Variants in PDE4D observed in about 807,000 individuals in gnomAD.
PDE4D encodes the protein phosphodiesterase 4D.
PDE4D carries 24 observed loss-of-function variants against 87.4 expected under a neutral mutation model. The observed-to-expected ratio is 0.27, with a 90% CI of 0.20 to 0.39. PDE4D has a LOEUF of 0.39. PDE4D is among the 10% of genes least tolerant of loss of function. The probability of loss-of-function intolerance (pLI) is 1.00; values close to 1 mark genes in which losing one functional copy is unlikely to be tolerated. For synonymous variants in PDE4D, 384 were observed against 383.2 expected (o/e 1.00, Z -0.02); for missense variants, 714 against 1,041.0 (o/e 0.69, Z 4.32).
chr5:60,454,150 T>G (rs1746291323), intron 1 of PDE4D, among the ~76,000 whole-genome samples: 1 of 152,092 alleles, frequency 6.6e-6, no homozygotes. Flanking sequence ...TGAAACTGTA[T>G]GACTCTCTAG....
chr5:59,630,729 A>G (rs1027225416), intron 1 of PDE4D, among the ~76,000 whole-genome samples: 2 of 152,196 alleles, frequency 1.3e-5, no homozygotes, highest in Admixed American at 1.3e-4. Context: ...AGCAGTCTCC[A>G]GTGCCAGAAA....
chr5:59,679,353 T>A (rs966448455), intron 1 of PDE4D, among the ~76,000 whole-genome samples: 28 of 152,260 alleles, frequency 1.8e-4, no homozygotes, highest in Middle Eastern at 3.4e-3. Flanking sequence ...TCTTCTAAAT[T>A]TATTTTATTT....
chr5:59,232,813 T>C (rs1023581337), intron 1 of PDE4D, among the ~76,000 whole-genome samples: 9 of 121,022 alleles, frequency 7.4e-5, no homozygotes, highest in African/African-American at 3.6e-4. Context: ...AGAAAATACA[T>C]ATATATATAT....
chr5:60,086,933 T>C lies in PDE4D; in HGVS notation c.43-98216A>G, dbSNP rs114435092. Among the ~76,000 whole-genome samples, 528 of 152,328 alleles carry C rather than the reference T, an allele frequency of 3.5e-3. 4 individuals carry two copies. Among genetic ancestry groups the C allele is most frequent in the African/African-American group, 0.012 (483 of 41,574 alleles). ...CATAGTGCTGCAAGGGGGGGCACCA[T>C]TCAAGCAAAGGCCCAAATCTGTGGC... On this transcript the variant is annotated intron_variant, in intron 2 of 16. Coordinates refer to the PDE4D transcript ENST00000502484.
intron 6 of PDE4D, among the ~76,000 whole-genome samples, chr5:59,009,311 A>G (rs529292067): frequency 5.3e-5 from 8 of 152,212 alleles, no homozygotes; most frequent in Non-Finnish European, 1.0e-4. Context: ...AGAAACCCAG[A>G]AACAGTTCAG....
intron 1 of PDE4D, among the ~76,000 whole-genome samples, chr5:59,842,178 C>A (rs895584987): frequency 2.0e-5 from 3 of 151,776 alleles, no homozygotes; most frequent in Non-Finnish European, 2.9e-5. Flanking sequence ...GAGGTGAGTT[C>A]GGAGGCAGAG....
chr5:60,517,204 C>T (rs1750838996), intron 1 of PDE4D, among the ~76,000 whole-genome samples: 1 of 152,246 alleles, frequency 6.6e-6, no homozygotes, highest in African/African-American at 2.4e-5. Flanking sequence ...CCCCTCCAGA[C>T]TCTGTGCACC....
At chr5:59,988,622 A>C in exon 3 of PDE4D, 1 of 1,599,356 alleles carries the variant, frequency 6.3e-7, no homozygotes, top group Non-Finnish European at 8.5e-7. Flanking sequence ...GGGGAAGCTG[A>C]ATATTGCGAC....
At chr5:59,952,000 T>C (rs1758339513) in intron 3 of PDE4D, among the ~76,000 whole-genome samples, 1 of 152,112 alleles carries the variant, frequency 6.6e-6, no homozygotes. Context: ...CATCTTAAAT[T>C]ATAATCCCCA....
intron 1 of PDE4D, among the ~76,000 whole-genome samples, chr5:60,291,000 C>T (rs1005989659): frequency 4.6e-5 from 7 of 152,082 alleles, no homozygotes; most frequent in African/African-American, 1.7e-4. Flanking sequence ...TTCTAAAGAA[C>T]GAAATGTTCT....
At chr5:59,441,191 C>T (rs1045550590) in intron 1 of PDE4D, among the ~76,000 whole-genome samples, 1 of 151,982 alleles carries the variant, frequency 6.6e-6, no homozygotes, top group African/African-American at 2.4e-5. Context: ...ACAGCCTGGG[C>T]TCCAGCAATC....
chr5:59,834,043 G>A (rs1270257553), intron 1 of PDE4D, among the ~76,000 whole-genome samples: 2 of 151,992 alleles, frequency 1.3e-5, no homozygotes, highest in African/African-American at 4.8e-5. Flanking sequence ...AAAATGATCT[G>A]GAGACTGCCC....
intron 1 of PDE4D, among the ~76,000 whole-genome samples, chr5:59,277,038 T>C (rs966289403): frequency 2.0e-5 from 3 of 152,156 alleles, no homozygotes; most frequent in Non-Finnish European, 2.9e-5. Flanking sequence ...GTAAGCATTC[T>C]GATTGCTTAA....
intron 5 of PDE4D, among the ~76,000 whole-genome samples, chr5:59,057,564 G>A (rs774403962): frequency 3.3e-5 from 5 of 152,178 alleles, no homozygotes; most frequent in Non-Finnish European, 5.9e-5. Flanking sequence ...TCACACTGAA[G>A]CTTCACTCTT....
chr5:59,637,127 G>T (rs1458255567), intron 1 of PDE4D, among the ~76,000 whole-genome samples: 3 of 152,100 alleles, frequency 2.0e-5, no homozygotes, highest in Non-Finnish European at 4.4e-5. Context: ...TTATGCATAT[G>T]AACAAGCATA....
chr5:59,433,114 T>C (rs1163184536), intron 1 of PDE4D, among the ~76,000 whole-genome samples: 2 of 150,740 alleles, frequency 1.3e-5, no homozygotes, highest in Non-Finnish European at 2.9e-5. Context: ...GAACAAAAGC[T>C]CAATGAAGCA....
intron 1 of PDE4D, among the ~76,000 whole-genome samples, chr5:59,241,615 G>A (rs1757695613): frequency 6.6e-6 from 1 of 152,206 alleles, no homozygotes; most frequent in Non-Finnish European, 1.5e-5. Context: ...TCAAGAGAGA[G>A]GGTAACTTTA....
intron 1 of PDE4D, among the ~76,000 whole-genome samples, chr5:60,297,316 C>T (rs1214423827): frequency 6.6e-6 from 1 of 151,914 alleles, no homozygotes; most frequent in African/African-American, 2.4e-5. Flanking sequence ...AACAAGGAGC[C>T]TAGGCAAAAA....
intron 1 of PDE4D, among the ~76,000 whole-genome samples, chr5:60,440,164 G>A (rs1347722557): frequency 6.6e-6 from 1 of 152,060 alleles, no homozygotes; most frequent in Non-Finnish European, 1.5e-5. Context: ...TCTTAGTGGG[G>A]GATGAGTGAG....
Sources: gnomAD v4.1 joint callset for allele counts (sites outside exome capture counted in the v4.1 genomes callset) on GRCh38, gnomAD v4.1.1 for gene constraint, MANE v1.5 for transcripts, NCBI Gene and HGNC (gene_info 2026-07-23, HGNC 2026-07-21) for gene names.